The following KCTD8 variants were observed in gnomAD, a reference collection of about 807,000 sequenced individuals.
KCTD8 encodes potassium channel tetramerization domain containing 8.
A neutral mutation model predicts 31.5 loss-of-function variants in KCTD8; 27 were observed. That is an observed-to-expected ratio of 0.86 (90% CI 0.63 to 1.18). The LOEUF is 1.18. KCTD8 is among the 50% of genes most tolerant of loss of function. The probability of loss-of-function intolerance (pLI) is 0.00; values close to 1 mark genes in which losing one functional copy is unlikely to be tolerated. For synonymous variants in KCTD8, 290 were observed against 280.0 expected, an observed-to-expected ratio of 1.04 and a Z score of -0.36; for missense variants, 658 against 647.7, an observed-to-expected ratio of 1.02 and a Z score of -0.17.
chr4:44,282,494 AGT>A (rs1479777077), intron 1 of KCTD8, among the ~76,000 whole-genome samples: 2 of 152,082 alleles, frequency 1.3e-5, no homozygotes, highest in Non-Finnish European at 2.9e-5. Flanking sequence ...ATGTCCTCTA[AGT>A]GTACAAGTGA....
chr4:44,178,798 C>T (rs976426814), intron 1 of KCTD8, among the ~76,000 whole-genome samples: 4 of 152,040 alleles, frequency 2.6e-5, no homozygotes, highest in African/African-American at 7.2e-5. Flanking sequence ...GAAAAAAATG[C>T]TTAATGACAA....
intron 1 of KCTD8, among the ~76,000 whole-genome samples, chr4:44,287,812 C>A (rs909382725): frequency 6.6e-6 from 1 of 152,110 alleles, no homozygotes; most frequent in South Asian, 2.1e-4. Context: ...GCAGCCACTA[C>A]AAATCAATAG....
At chr4:44,377,615 G>A (rs957910236) in intron 1 of KCTD8, among the ~76,000 whole-genome samples, 7 of 152,182 alleles carry the variant, frequency 4.6e-5, no homozygotes, top group Admixed American at 6.5e-5. Flanking sequence ...AGCCTGCGGC[G>A]TCCAGGACAC....
chr4:44,181,458 G>A (rs1189035946), intron 1 of KCTD8, among the ~76,000 whole-genome samples: 1 of 152,188 alleles, frequency 6.6e-6, no homozygotes, highest in East Asian at 1.9e-4. Context: ...GTGTTGGCTG[G>A]GCTGGTCTCC....
At chr4:44,238,163 T>A (rs1715345171) in intron 1 of KCTD8, among the ~76,000 whole-genome samples, 1 of 152,088 alleles carries the variant, frequency 6.6e-6, no homozygotes, top group Admixed American at 6.5e-5. Context: ...AGGACCTTTG[T>A]ATGTGCTGTT....
At chr4:44,354,103 G>A (rs1719283771) in intron 1 of KCTD8, among the ~76,000 whole-genome samples, 1 of 151,270 alleles carries the variant, frequency 6.6e-6, no homozygotes, top group African/African-American at 2.4e-5. Flanking sequence ...AGTTTTTTTT[G>A]CAATAACATA....
At chr4:44,278,129 T>C (rs1716802299) in intron 1 of KCTD8, among the ~76,000 whole-genome samples, 1 of 152,012 alleles carries the variant, frequency 6.6e-6, no homozygotes, top group South Asian at 2.1e-4. Context: ...TGTTTAAATG[T>C]TTGATTTATC....
At chr4:44,188,526 T>C (rs1258419587) in intron 1 of KCTD8, among the ~76,000 whole-genome samples, 2 of 152,180 alleles carry the variant, frequency 1.3e-5, no homozygotes, top group African/African-American at 4.8e-5. Context: ...AAGTCCTTTG[T>C]AGTAGGCTAA....
rs530010843 is a variant in KCTD8 at position 44,252,164 on chromosome 4, C to T, written c.962-76914G>A. ...CTTAGAATAATGCTCTCCAATTTTA[C>T]CCAGGTTGCTGTGAATGCCATTACT... On this transcript the variant is annotated intron_variant, in intron 1 of 1. Coordinates refer to ENST00000360029, the MANE Select transcript of KCTD8 (RefSeq NM_198353.3). Among the ~76,000 whole-genome samples the T allele has an allele frequency of 2.4e-4, 37 of 151,830 alleles. No individual in the cohort carries two copies. In the South Asian group the frequency reaches 7.7e-3, roughly 31 times the overall value.
chr4:44,264,675 TC>T (rs1183777590), intron 1 of KCTD8, among the ~76,000 whole-genome samples: 6 of 151,696 alleles, frequency 4.0e-5, no homozygotes, highest in East Asian at 1.9e-4. Context: ...ATCGGGTCAC[TC>T]CCCCCCGAAT....
intron 1 of KCTD8, among the ~76,000 whole-genome samples, chr4:44,397,762 T>C (rs1454233879): frequency 6.6e-6 from 1 of 152,216 alleles, no homozygotes; most frequent in African/African-American, 2.4e-5. Flanking sequence ...GGATTTCTTG[T>C]TGCTAATGTG....
At chr4:44,268,506 C>T (rs1279980691) in intron 1 of KCTD8, among the ~76,000 whole-genome samples, 1 of 152,132 alleles carries the variant, frequency 6.6e-6, no homozygotes, top group African/African-American at 2.4e-5. Flanking sequence ...CCCTCTCTCA[C>T]CACTCCTATT....
At chr4:44,252,223 G>C (rs1577575952) in intron 1 of KCTD8, among the ~76,000 whole-genome samples, 1 of 151,654 alleles carries the variant, frequency 6.6e-6, no homozygotes, top group Admixed American at 6.6e-5. Flanking sequence ...GTATTCCATT[G>C]TATCCATTGT....
intron 1 of KCTD8, among the ~76,000 whole-genome samples, chr4:44,425,646 T>G (rs1721327762): frequency 6.6e-6 from 1 of 152,028 alleles, no homozygotes. Flanking sequence ...AGTTTCTGGT[T>G]ATTACTGACA....
chr4:44,346,421 A>T (rs17641822), intron 1 of KCTD8, among the ~76,000 whole-genome samples: 18,106 of 152,144 alleles, frequency 0.12, 1,306 homozygotes, highest in East Asian at 0.25. Context: ...TTGTGGTGAT[A>T]TTCAAAGCGA....
intron 1 of KCTD8, among the ~76,000 whole-genome samples, chr4:44,239,555 G>C (rs754802338): frequency 1.4e-4 from 22 of 152,112 alleles, no homozygotes; most frequent in Non-Finnish European, 2.5e-4. Flanking sequence ...AGACTTCACT[G>C]CTTGATTTAT....
At chr4:44,403,883 T>C (rs563698240) in intron 1 of KCTD8, among the ~76,000 whole-genome samples, 2 of 152,216 alleles carry the variant, frequency 1.3e-5, no homozygotes, top group Admixed American at 1.3e-4. Flanking sequence ...TTTTTAAAAA[T>C]GTTTTTACAG....
intron 1 of KCTD8, among the ~76,000 whole-genome samples, chr4:44,345,238 C>T (rs1368751306): frequency 6.6e-6 from 1 of 151,808 alleles, no homozygotes; most frequent in Non-Finnish European, 1.5e-5. Flanking sequence ...TTAACTTATT[C>T]AAAAATCCCC....
intron 1 of KCTD8, among the ~76,000 whole-genome samples, chr4:44,364,767 T>C (rs1233344930): frequency 6.6e-6 from 1 of 151,998 alleles, no homozygotes; most frequent in Non-Finnish European, 1.5e-5. Flanking sequence ...GGAGGGAACT[T>C]AAATACATAT....
Sources: gnomAD v4.1 joint callset for allele counts (sites outside exome capture counted in the v4.1 genomes callset) on GRCh38, gnomAD v4.1.1 for gene constraint, MANE v1.5 for transcripts, NCBI Gene and HGNC (gene_info 2026-07-23, HGNC 2026-07-21) for gene names.